The following DAB1 variants were observed in gnomAD, a reference collection of about 807,000 sequenced individuals.
DAB1 encodes the protein DAB adaptor protein 1.
Under a neutral mutation model 64.6 loss-of-function variants are expected in DAB1, and 15 were observed. That is an observed-to-expected ratio of 0.23 (90% CI 0.16 to 0.36). The LOEUF (loss-of-function observed/expected upper bound fraction) is 0.36. Among genes scored for constraint, DAB1 ranks in the 10% least tolerant of loss-of-function variants. The pLI is 1.00. For synonymous variants in DAB1, 235 were observed against 251.9 expected (o/e 0.93, Z 0.64); for missense variants, 596 against 706.7 (o/e 0.84, Z 1.78).
At chr1:58,252,287 C>T (rs1538425) in intron 4 of DAB1, among the ~76,000 whole-genome samples, 15,615 of 152,156 alleles carry the variant, frequency 0.1, 1,155 homozygotes, top group Admixed American at 0.18. Context: ...GGGATGCTTG[C>T]ATTAGTAATG....
chr1:57,907,270 C>G (rs1258000614), intron 5 of DAB1, among the ~76,000 whole-genome samples: 3 of 152,180 alleles, frequency 2.0e-5, no homozygotes, highest in African/African-American at 7.2e-5. Flanking sequence ...GGAGGCTGCA[C>G]ACAGCATAGG....
chr1:57,621,560 AC>A (rs923629079), intron 7 of DAB1, among the ~76,000 whole-genome samples: 17 of 151,496 alleles, frequency 1.1e-4, no homozygotes, highest in African/African-American at 3.9e-4. Context: ...TAGGCTGGGG[AC>A]TCTGAGGCTA....
chr1:57,424,159 C>T (rs1169297225), upstream of DAB1: 2 of 148,948 alleles, frequency 1.3e-5, no homozygotes, highest in East Asian at 2.0e-4. Context: ...CCCGCCGCCC[C>T]CCGCGCCCGC....
intron 7 of DAB1, among the ~76,000 whole-genome samples, chr1:57,490,608 C>T (rs563759858): frequency 2.0e-5 from 3 of 152,116 alleles, no homozygotes; most frequent in Non-Finnish European, 4.4e-5. Context: ...AACACTTGTT[C>T]TGGTTTCAGT....
intron 5 of DAB1, among the ~76,000 whole-genome samples, chr1:57,925,952 C>A (rs948666614): frequency 6.6e-6 from 1 of 152,166 alleles, no homozygotes; most frequent in African/African-American, 2.4e-5. Context: ...TGGACAGGGG[C>A]TAGCTGAAGA....
At chr1:57,735,356 CTCACTGGAGGTTTGAAGTT>C (rs1421003565) in intron 6 of DAB1, among the ~76,000 whole-genome samples, 5 of 152,200 alleles carry the variant, frequency 3.3e-5, no homozygotes, top group African/African-American at 1.2e-4. Flanking sequence ...CCCTGCCTAT[CTCACTGGAGGTTTGAAGTT>C]TCAATGAAAA....
intron 4 of DAB1, among the ~76,000 whole-genome samples, chr1:57,087,068 G>T (rs1653160179): frequency 1.3e-5 from 2 of 152,182 alleles, no homozygotes; most frequent in South Asian, 4.1e-4. Flanking sequence ...ATCTGAGAGG[G>T]CCAGCAAGAA....
Position 57,692,947 on chromosome 1 carries a change from T to A in DAB1, n.552-43282A>T, listed in dbSNP as rs182631658. Among the ~76,000 whole-genome samples, 659 of 152,298 alleles carry A rather than the reference T, an allele frequency of 4.3e-3. 19 individuals carry two copies. Among genetic ancestry groups the A allele is most frequent in the Admixed American group, 0.038 (587 of 15,294 alleles). ...TACCAACCTCTGGAGTTAGGCACCA[T>A]GGCTTCTCCCCTTTCTAGGTCCCAT... On this transcript the variant is annotated intron_variant and non_coding_transcript_variant, in intron 6 of 20. Transcript: ENST00000485760.
intron 9 of DAB1, among the ~76,000 whole-genome samples, chr1:57,049,450 C>CAAAAAAAAAAAAAAAAAAA (rs574438911): frequency 8.1e-5 from 2 of 24,586 alleles, no homozygotes; most frequent in Non-Finnish European, 1.4e-4. Context: ...GACTCCGTCT[C>CAAAAAAAAAAAAAAAAAAA]AAAAAAAAAA....
intron 2 of DAB1, among the ~76,000 whole-genome samples, chr1:57,265,983 C>T (rs1195104942): frequency 6.6e-6 from 1 of 152,180 alleles, no homozygotes; most frequent in African/African-American, 2.4e-5. Flanking sequence ...GTAAAATTCA[C>T]TTACCCATGG....
At chr1:57,033,336 C>G in intron 9 of DAB1, 1 of 1,569,816 alleles carries the variant, frequency 6.4e-7, no homozygotes, top group East Asian at 2.2e-5. Flanking sequence ...ATATGGAATG[C>G]ATGAGTATGA....
At chr1:57,573,463 G>A (rs1403463124) in intron 7 of DAB1, among the ~76,000 whole-genome samples, 2 of 152,128 alleles carry the variant, frequency 1.3e-5, no homozygotes, top group East Asian at 1.9e-4. Context: ...TTTCAGACCT[G>A]CATAAAACCT....
chr1:57,912,696 A>T (rs6698981), intron 5 of DAB1, among the ~76,000 whole-genome samples: 66,608 of 151,990 alleles, frequency 0.44, 15,792 homozygotes, highest in African/African-American at 0.62. Context: ...AGAAAGCCCC[A>T]TCGTCTCGGC....
chr1:57,201,199 C>T (rs186750699), intron 2 of DAB1, among the ~76,000 whole-genome samples: 2 of 152,060 alleles, frequency 1.3e-5, no homozygotes, highest in African/African-American at 2.4e-5. Context: ...TCAATGACAC[C>T]CCCTTTCTTC....
intron 5 of DAB1, among the ~76,000 whole-genome samples, chr1:58,064,846 C>CCGAGTAG (rs1648750752): frequency 6.6e-6 from 1 of 152,074 alleles, no homozygotes; most frequent in Admixed American, 6.5e-5. Flanking sequence ...CTCAGACTCT[C>CCGAGTAG]CGAGTAGCAG....
chr1:57,066,699 C>T (rs539928666), intron 8 of DAB1, among the ~76,000 whole-genome samples: 36 of 152,210 alleles, frequency 2.4e-4, no homozygotes, highest in African/African-American at 4.3e-4. Context: ...ACTGACAACA[C>T]GCAAGGAAGG....
intron 5 of DAB1, among the ~76,000 whole-genome samples, chr1:57,948,388 A>G (rs1348422746): frequency 6.6e-6 from 1 of 152,158 alleles, no homozygotes; most frequent in East Asian, 1.9e-4. Flanking sequence ...TGTCTATAGT[A>G]TCTGTGTGTT....
chr1:58,298,034 T>C (rs1253281368), intron 4 of DAB1, among the ~76,000 whole-genome samples: 1 of 152,210 alleles, frequency 6.6e-6, no homozygotes, highest in East Asian at 1.9e-4. Flanking sequence ...TTAAAAAATA[T>C]GATTAAAGAA....
At chr1:57,977,392 A>C (rs12078292) in intron 5 of DAB1, among the ~76,000 whole-genome samples, 1 of 152,188 alleles carries the variant, frequency 6.6e-6, no homozygotes, top group Middle Eastern at 3.2e-3. Flanking sequence ...GAGGAAGAAA[A>C]TAATAGACTG....
Sources: allele counts gnomAD v4.1 joint callset (sites outside exome capture counted in the v4.1 genomes callset), GRCh38; gene constraint gnomAD v4.1.1; transcripts MANE v1.5; gene names NCBI Gene and HGNC (gene_info 2026-07-23, HGNC 2026-07-21).